The following MAP2K3 variants were observed in gnomAD, a reference collection of about 807,000 sequenced individuals.
MAP2K3 encodes the protein mitogen-activated protein kinase kinase 3.
In MAP2K3, 30 loss-of-function variants were observed where a neutral mutation model predicts 46.4. The observed-to-expected ratio is 0.65, with a 90% CI of 0.48 to 0.88. MAP2K3 has a LOEUF of 0.88. MAP2K3 is among the 40% of genes least tolerant of loss of function. The pLI is 0.00. For synonymous variants in MAP2K3, 189 were observed against 176.3 expected (o/e 1.07, Z -0.57); for missense variants, 380 against 464.5 (o/e 0.82, Z 1.67).
intron 7 of MAP2K3, among the ~76,000 whole-genome samples, chr17:21,303,871 G>A (rs1976741005): frequency 1.3e-5 from 2 of 152,312 alleles, no homozygotes; most frequent in African/African-American, 4.8e-5. Flanking sequence ...TTGGCGGTTG[G>A]CACGGAACCT....
At chr17:21,286,944 C>T (rs571709788) in intron 1 of MAP2K3, among the ~76,000 whole-genome samples, 1 of 152,318 alleles carries the variant, frequency 6.6e-6, no homozygotes, top group African/African-American at 2.4e-5. Flanking sequence ...CCTATGAGCT[C>T]CTTCTTTTTT....
At position 21,314,284 on chromosome 17, in the gene MAP2K3, C is replaced by A. The variant is rs2363373; in HGVS notation, c.*54C>A. 5 of 1,441,998 alleles carry A rather than the reference C, an allele frequency of 3.5e-6. No individual in the cohort carries two copies. The highest frequency in any genetic ancestry group is 4.9e-6 in the Non-Finnish European group (5 of 1,026,512). 89.3% of individuals were successfully genotyped at this position (1,441,998 alleles called of 1,614,324 possible). A position where few individuals can be genotyped will look rare whatever the true frequency, so the allele number is the denominator to read the frequency against. On this transcript the variant is annotated 3_prime_UTR_variant, in exon 12 of 12. Coordinates refer to ENST00000342679, the MANE Select transcript of MAP2K3 (RefSeq NM_145109.3). ...CTCCAGAGCCCCACAGCCCCATCTGCGGGGGCAGTGCTCACCCACACCATA... is the reference window on the plus strand; with the variant it reads ...CTCCAGAGCCCCACAGCCCCATCTGAGGGGGCAGTGCTCACCCACACCATA...
At chr17:21,298,564 G>A in intron 2 of MAP2K3, 85 bp downstream of exon 2, 1 of 1,608,092 alleles carries the variant, frequency 6.2e-7, no homozygotes. Context: ...GGCAGGTGGG[G>A]CCAGCCCTGC....
chr17:21,289,167 T>G (rs1319697157), intron 1 of MAP2K3, among the ~76,000 whole-genome samples: 1 of 152,206 alleles, frequency 6.6e-6, no homozygotes, highest in African/African-American at 2.4e-5. Context: ...TTTACCAGGC[T>G]TTAGGGCCTC....
chr17:21,285,968 G>A (rs941888158), intron 1 of MAP2K3, among the ~76,000 whole-genome samples: 5 of 152,118 alleles, frequency 3.3e-5, no homozygotes, highest in Non-Finnish European at 5.9e-5. Context: ...TGGGTTGTGC[G>A]AGAGATTTCC....
intron 10 of MAP2K3, 74 bp from the exon 11 acceptor site, chr17:21,313,415 TGGG>T: frequency 8.0e-7 from 1 of 1,244,130 alleles, no homozygotes; most frequent in Non-Finnish European, 1.2e-6. Context: ...GGGGCAATCC[TGGG>T]GTGGTTTGGC....
At chr17:21,298,246 C>T (rs1293518786) in intron 1 of MAP2K3, 167 bp from the exon 2 acceptor site, 11 of 1,000,040 alleles carry the variant, frequency 1.1e-5, no homozygotes, top group Non-Finnish European at 1.8e-5. Flanking sequence ...GGTGGGCCTC[C>T]TTCCCCCTTT....
chr17:21,301,039 T>C, intron 5 of MAP2K3, 46 bp downstream of exon 5: 3 of 1,613,222 alleles, frequency 1.9e-6, no homozygotes, highest in Non-Finnish European at 2.5e-6. Context: ...CTCCCACCCA[T>C]CAGTCGCCTG....
chr17:21,288,001 G>A (rs1048872567), intron 1 of MAP2K3: 1 of 1,288,092 alleles, frequency 7.8e-7, no homozygotes, highest in South Asian at 1.2e-5. Context: ...GAAACTCTCT[G>A]TCAGCCAACC....
intron 9 of MAP2K3, among the ~76,000 whole-genome samples, chr17:21,305,800 G>T (rs1976864699): frequency 1.3e-5 from 2 of 152,306 alleles, no homozygotes; most frequent in South Asian, 2.1e-4. Context: ...CCCAGCCAGG[G>T]CTAGGAAGCT....
At chr17:21,301,233 C>T (rs1374118111) in intron 5 of MAP2K3, among the ~76,000 whole-genome samples, 20 of 152,410 alleles carry the variant, frequency 1.3e-4, no homozygotes, top group Admixed American at 9.8e-4. Flanking sequence ...AACGACATGG[C>T]CTGGGGCCTG....
rs764465855 is a variant in MAP2K3 at position 21,314,255 on chromosome 17, G to C, written c.*25G>C. On this transcript the variant is annotated 3_prime_UTR_variant, in exon 12 of 12. Transcript: ENST00000342679. ...GGGGCTGGGCCTCGGACCCCACTCCGGCCCTCCAGAGCCCCACAGCCCCAT... is the reference window on the plus strand; with the variant it reads ...GGGGCTGGGCCTCGGACCCCACTCCCGCCCTCCAGAGCCCCACAGCCCCAT... The C allele has an allele frequency of 1.3e-6, 2 of 1,595,702 alleles. No homozygotes were observed. The highest frequency in any genetic ancestry group is 1.3e-5 in the African/African-American group (1 of 74,530).
chr17:21,299,729 GCC>G (rs2144561632), intron 3 of MAP2K3, among the ~76,000 whole-genome samples: 1 of 584 alleles, frequency 1.7e-3, no homozygotes, highest in African/African-American at 7.4e-3. Flanking sequence ...ACGCCTGTAA[GCC>G]CAGCACTTTG....
intron 7 of MAP2K3, 35 bp from the exon 8 acceptor site, chr17:21,304,391 C>T (rs1976774260): frequency 6.2e-7 from 1 of 1,614,212 alleles, no homozygotes; most frequent in Non-Finnish European, 8.5e-7. Flanking sequence ...AGTCGTGCTC[C>T]ACAGACGTGG....
At position 21,300,632 on chromosome 17, in the gene MAP2K3, C is replaced by A. The variant is rs764245258; in HGVS notation, c.253C>A (p.Gln85Lys). 1.9e-6 allele frequency: 3 copies of A among 1,611,690 alleles called. No homozygotes were observed. The change falls in exon 4 of 12, where the codon CAG becomes AAG. Residue 85 changes from glutamine to lysine, a missense_variant. Physicochemically the swap from Gln to Lys is moderately conservative, Grantham distance 53 (BLOSUM62 1). Around this residue, in one of 5 missense-constraint regions of MAP2K3, gnomAD observed 294 missense variants for 275.4 expected, o/e 1.07. Coordinates refer to ENST00000342679, the MANE Select transcript of MAP2K3 (RefSeq NM_145109.3). Reference protein sequence around the residue: ...YGVVEKVRHAQSGTIMAVKRI... With the variant: ...YGVVEKVRHAKSGTIMAVKRI... ...GGTGGTAGAGAAGGTGCGGCACGCCCAGAGCGGCACCATCATGGCCGTGAA... is the reference window on the plus strand; with the variant it reads ...GGTGGTAGAGAAGGTGCGGCACGCCAAGAGCGGCACCATCATGGCCGTGAA...
At chr17:21,284,990 C>A in intron 1 of MAP2K3, 21 bp downstream of exon 1, 1 of 1,603,306 alleles carries the variant, frequency 6.2e-7, no homozygotes, top group Non-Finnish European at 8.5e-7. Flanking sequence ...CCGGCCGGGA[C>A]CTCGGCCTGA....
chr17:21,308,731 A>G (rs1977020860), intron 9 of MAP2K3, among the ~76,000 whole-genome samples: 2 of 152,220 alleles, frequency 1.3e-5, no homozygotes, highest in Non-Finnish European at 2.9e-5. Flanking sequence ...TAGACTGCAC[A>G]GAACTGGTTG....
intron 3 of MAP2K3, 81 bp downstream of exon 3, chr17:21,299,007 G>A (rs563440564): frequency 4.4e-6 from 7 of 1,583,678 alleles, no homozygotes; most frequent in East Asian, 2.2e-5. Context: ...GGCCACTTTG[G>A]GGGGAGGTGA....
chr17:21,293,103 T>C (rs1976034959), intron 1 of MAP2K3, among the ~76,000 whole-genome samples: 1 of 152,310 alleles, frequency 6.6e-6, no homozygotes, highest in Admixed American at 6.5e-5. Flanking sequence ...TAGTGGGTGT[T>C]GTAGTGTGGG....
Sources: allele counts gnomAD v4.1 joint callset (sites outside exome capture counted in the v4.1 genomes callset), GRCh38; gene constraint gnomAD v4.1.1; regional missense constraint gnomAD v4.1.1; transcripts MANE v1.5; gene names NCBI Gene and HGNC (gene_info 2026-07-23, HGNC 2026-07-21).